Variants in GREM2 observed in about 807,000 individuals in gnomAD.
The protein encoded by GREM2 is gremlin 2, DAN family BMP antagonist.
A neutral mutation model predicts 14.2 loss-of-function variants in GREM2; 11 were observed. The ratio of observed to expected loss-of-function variants is 0.78; its 90% CI spans 0.49 to 1.28. GREM2 has a LOEUF of 1.28. Among genes scored for constraint, GREM2 ranks in the 50% most tolerant of loss-of-function variants. The pLI is 0.00. For missense variants in GREM2, 210 were observed against 218.5 expected, an observed-to-expected ratio of 0.96 and a Z score of 0.24; for synonymous variants, 98 against 97.6, an observed-to-expected ratio of 1.00 and a Z score of -0.02.
chr1:240,572,300 C>A (rs998761204), intron 1 of GREM2, among the ~76,000 whole-genome samples: 2 of 152,144 alleles, frequency 1.3e-5, no homozygotes, highest in African/African-American at 4.8e-5. Flanking sequence ...CAAATTTAAT[C>A]CACTGGTGTG....
At chr1:240,544,344 T>C (rs1291971685) in intron 1 of GREM2, among the ~76,000 whole-genome samples, 4 of 152,022 alleles carry the variant, frequency 2.6e-5, no homozygotes, top group Non-Finnish European at 5.9e-5. Flanking sequence ...ACGCGGGGTT[T>C]CACCATGTTA....
At chr1:240,576,064 A>AC (rs1341302607) in intron 1 of GREM2, among the ~76,000 whole-genome samples, 2 of 152,212 alleles carry the variant, frequency 1.3e-5, no homozygotes, top group Non-Finnish European at 2.9e-5. Flanking sequence ...AACTTTAAAA[A>AC]TATTTTTTCC....
chr1:240,597,288 G>A (rs1016558174), intron 1 of GREM2, among the ~76,000 whole-genome samples: 5 of 152,360 alleles, frequency 3.3e-5, no homozygotes, highest in South Asian at 2.1e-4. Flanking sequence ...GCAAATCAGC[G>A]GGGTATTTAG....
intron 1 of GREM2, among the ~76,000 whole-genome samples, chr1:240,591,349 G>C (rs973687085): frequency 7.2e-5 from 11 of 152,144 alleles, no homozygotes; most frequent in African/African-American, 2.4e-4. Context: ...CTTGTTGAAG[G>C]AACATATTGA....
chr1:240,588,954 A>G (rs1457533190), intron 1 of GREM2: 1 of 151,864 alleles, frequency 6.6e-6, no homozygotes, highest in Non-Finnish European at 1.5e-5. Context: ...CCCTATAAAA[A>G]TTAAAATTAA....
intron 1 of GREM2, among the ~76,000 whole-genome samples, chr1:240,502,629 T>A (rs951053790): frequency 1.3e-5 from 2 of 152,170 alleles, no homozygotes; most frequent in African/African-American, 4.8e-5. Flanking sequence ...ATGTTCCAAA[T>A]CTTTTCATAT....
intron 1 of GREM2, among the ~76,000 whole-genome samples, chr1:240,544,654 C>T (rs1459726374): frequency 2.6e-5 from 4 of 152,138 alleles, no homozygotes; most frequent in African/African-American, 9.7e-5. Flanking sequence ...GTTTTTAGCC[C>T]TTTTCAAAGC....
intron 1 of GREM2, among the ~76,000 whole-genome samples, chr1:240,529,587 A>C (rs905651932): frequency 2.0e-5 from 3 of 152,184 alleles, no homozygotes; most frequent in Admixed American, 6.5e-5. Context: ...GATGAATAAA[A>C]AAAAAGAACA....
At chr1:240,599,289 C>T (rs779275384) in intron 1 of GREM2, among the ~76,000 whole-genome samples, 50 of 148,736 alleles carry the variant, frequency 3.4e-4, no homozygotes, top group Non-Finnish European at 5.1e-4. Context: ...AAAAATACAA[C>T]AACAGTAAGT....
At chr1:240,531,146 A>G (rs1678349761) in intron 1 of GREM2, among the ~76,000 whole-genome samples, 2 of 152,344 alleles carry the variant, frequency 1.3e-5, no homozygotes, top group Admixed American at 6.5e-5. Context: ...GAAGACTCAT[A>G]TAGAAGATCC....
intron 1 of GREM2, among the ~76,000 whole-genome samples, chr1:240,535,344 A>C (rs1678450345): frequency 6.6e-6 from 1 of 152,216 alleles, no homozygotes; most frequent in Admixed American, 6.5e-5. Flanking sequence ...AGCTTTGTTC[A>C]GGTTCTCAAA....
chr1:240,602,232 G>A, intron 1 of GREM2, among the ~76,000 whole-genome samples: 1 of 152,296 alleles, frequency 6.6e-6, no homozygotes, highest in East Asian at 1.9e-4. Flanking sequence ...GAGGTTGCTT[G>A]TCTTATCATT....
chr1:240,551,484 GACTACAGGC>G (rs1235337805), intron 1 of GREM2, among the ~76,000 whole-genome samples: 1 of 152,124 alleles, frequency 6.6e-6, no homozygotes, highest in Non-Finnish European at 1.5e-5. Flanking sequence ...GAGTAGCTGG[GACTACAGGC>G]ACATGCCACC....
At chr1:240,604,157 TG>T (rs1289908225) in intron 1 of GREM2, among the ~76,000 whole-genome samples, 1 of 151,796 alleles carries the variant, frequency 6.6e-6, no homozygotes, top group Non-Finnish European at 1.5e-5. Flanking sequence ...CTCATTACCG[TG>T]GGGAGGGCAC....
At chr1:240,603,982 TG>T (rs1436926138) in intron 1 of GREM2, among the ~76,000 whole-genome samples, 1 of 151,298 alleles carries the variant, frequency 6.6e-6, no homozygotes, top group Non-Finnish European at 1.5e-5. Flanking sequence ...ATCTTCTGCT[TG>T]GCTTCTAATG....
intron 1 of GREM2, among the ~76,000 whole-genome samples, chr1:240,544,630 G>T (rs534866539): frequency 6.6e-6 from 1 of 152,232 alleles, no homozygotes; most frequent in Admixed American, 6.5e-5. Context: ...TAAGAAAAAC[G>T]ATTTCATTCC....
At chr1:240,536,930 C>T (rs148708712) in intron 1 of GREM2, among the ~76,000 whole-genome samples, 1 of 152,130 alleles carries the variant, frequency 6.6e-6, no homozygotes, top group Non-Finnish European at 1.5e-5. Context: ...AGAATCCAAG[C>T]AAAGCAAGAA....
chr1:240,552,391 G>C (rs1402504511), intron 1 of GREM2, among the ~76,000 whole-genome samples: 1 of 152,090 alleles, frequency 6.6e-6, no homozygotes, highest in African/African-American at 2.4e-5. Flanking sequence ...GACCAGCCTG[G>C]ACAACATAGA....
At position 240,596,742 on chromosome 1, in the gene GREM2, C is replaced by T. The variant is rs75990462; in HGVS notation, c.-2+15142G>A. ...TGACTCAATCTATTTCTAATGCCAT[C>T]TCAGGCTGTTGAGAGCAGTTTAGAG... is the stretch of plus-strand genomic sequence containing the variant. On this transcript the variant is annotated intron_variant, in intron 1 of 1. Coordinates refer to ENST00000318160, the MANE Select transcript of GREM2 (RefSeq NM_022469.4). Among the ~76,000 whole-genome samples the T allele has an allele frequency of 9.9e-5, 15 of 151,734 alleles. No homozygotes were observed. The East Asian group carries it at 2.3e-3, about 24-fold the overall frequency.
Sources: allele counts gnomAD v4.1 joint callset (sites outside exome capture counted in the v4.1 genomes callset), GRCh38; gene constraint gnomAD v4.1.1; transcripts MANE v1.5; gene names NCBI Gene and HGNC (gene_info 2026-07-23, HGNC 2026-07-21).